ZNF695: variants seen among roughly 807,000 people sequenced by gnomAD.
ZNF695 encodes the protein zinc finger protein SBZF3.
ZNF695 carries 11 observed loss-of-function variants against 11.2 expected under a neutral mutation model. That is an observed-to-expected ratio of 0.98 (90% confidence interval 0.62 to 1.62). The LOEUF (loss-of-function observed/expected upper bound fraction) is 1.62. Ranked by LOEUF, ZNF695 falls within the 40% of genes most tolerant of loss-of-function variation. The probability of loss-of-function intolerance (pLI) is 0.00; values close to 1 mark genes in which losing one functional copy is unlikely to be tolerated. For missense variants in ZNF695, 559 were observed against 590.5 expected (o/e 0.95, Z 0.55); for synonymous variants, 190 against 201.4 (o/e 0.94, Z 0.48).
chr1:247,002,159 T>C (rs1669406597), intron 1 of ZNF695, among the ~76,000 whole-genome samples: 1 of 151,702 alleles, frequency 6.6e-6, no homozygotes, highest in South Asian at 2.1e-4. Flanking sequence ...CACAGTTAAA[T>C]AAAAACAGAA....
chr1:247,002,046 T>C (rs1669402447), intron 1 of ZNF695, among the ~76,000 whole-genome samples: 1 of 152,098 alleles, frequency 6.6e-6, no homozygotes, highest in African/African-American at 2.4e-5. Context: ...TCTTCTCACC[T>C]GCACATGGCA....
At chr1:246,961,643 T>C (rs1400270169) in intron 5 of ZNF695, among the ~76,000 whole-genome samples, 1 of 152,224 alleles carries the variant, frequency 6.6e-6, no homozygotes, top group Non-Finnish European at 1.5e-5. Context: ...CCTCTGCTTA[T>C]AGTATTTTGC....
intron 1 of ZNF695, 107 bp downstream of exon 1, chr1:247,007,799 A>G: frequency 1.5e-6 from 2 of 1,355,458 alleles, no homozygotes; most frequent in Middle Eastern, 2.0e-4. Flanking sequence ...CACACTCCGG[A>G]GCCGACCGCC....
At chr1:247,006,156 C>T (rs1385637785) in intron 1 of ZNF695, among the ~76,000 whole-genome samples, 2 of 148,330 alleles carry the variant, frequency 1.3e-5, no homozygotes, top group Non-Finnish European at 1.5e-5. Flanking sequence ...ACCCGGGAGG[C>T]AGAGGTTGCT....
At chr1:246,956,434 G>A (rs1668003743) in intron 5 of ZNF695, among the ~76,000 whole-genome samples, 1 of 151,258 alleles carries the variant, frequency 6.6e-6, no homozygotes, top group Non-Finnish European at 1.5e-5. Flanking sequence ...TGGCCAACAT[G>A]GTGAAACCCC....
intron 4 of ZNF695, among the ~76,000 whole-genome samples, chr1:246,973,511 C>T (rs576380358): frequency 6.6e-6 from 1 of 152,190 alleles, no homozygotes; most frequent in African/African-American, 2.4e-5. Context: ...GAATGTGTAC[C>T]GTGAGTTGCT....
intron 3 of ZNF695, among the ~76,000 whole-genome samples, chr1:246,989,212 C>A (rs977760627): frequency 6.6e-6 from 1 of 152,016 alleles, no homozygotes; most frequent in Non-Finnish European, 1.5e-5. Context: ...TTGTGGTGAG[C>A]CAAGATTGTG....
chr1:246,984,003 T>C (rs1047335417), downstream of ZNF695, among the ~76,000 whole-genome samples: 2 of 150,866 alleles, frequency 1.3e-5, no homozygotes, highest in African/African-American at 4.9e-5. Flanking sequence ...AAAAAAAGAA[T>C]TAGCTAGGAG....
chr1:247,004,739 G>A (rs1300009629), intron 1 of ZNF695, among the ~76,000 whole-genome samples: 1 of 152,160 alleles, frequency 6.6e-6, no homozygotes, highest in African/African-American at 2.4e-5. Flanking sequence ...TAAAGTGGTA[G>A]GATACAATAC....
intron 4 of ZNF695, among the ~76,000 whole-genome samples, chr1:246,978,571 T>C (rs921448665): frequency 6.6e-6 from 1 of 152,216 alleles, no homozygotes; most frequent in Non-Finnish European, 1.5e-5. Context: ...CAATAAAGGC[T>C]GTGGAGTCGG....
intron 4 of ZNF695, among the ~76,000 whole-genome samples, chr1:246,976,447 G>A (rs981057211): frequency 2.6e-5 from 4 of 152,058 alleles, no homozygotes; most frequent in African/African-American, 9.7e-5. Context: ...TATTTCAGTG[G>A]GAATGTTGTA....
intron 5 of ZNF695, among the ~76,000 whole-genome samples, chr1:246,965,773 A>G (rs1668274973): frequency 6.6e-6 from 1 of 151,946 alleles, no homozygotes; most frequent in Non-Finnish European, 1.5e-5. Context: ...AAAAAGAAAA[A>G]AAATTCTGCA....
Position 246,986,987 on chromosome 1 carries a change from G to A in ZNF695, c.1528C>T (p.His510Tyr). 1.3e-6 allele frequency: 2 copies of A among 1,586,818 alleles called. No homozygotes were observed. The highest frequency in any genetic ancestry group is 1.7e-6 in the Non-Finnish European group (2 of 1,169,468). The change falls in exon 4 of 4, where the codon CAT becomes TAT. Residue 510 changes from histidine to tyrosine, a missense_variant. Physicochemically the swap from His to Tyr is moderately conservative, Grantham distance 83. Coordinates refer to ENST00000339986, the MANE Select transcript of ZNF695 (RefSeq NM_020394.5). Reference sequence around the variant, plus strand: ...TTTTCTCAGGTATGAGTTTTCTCATGTACAGCAAGTTGTGCAGAGTGGTTA... The same window carrying A: ...TTTTCTCAGGTATGAGTTTTCTCATATACAGCAAGTTGTGCAGAGTGGTTA... ...AFNHSAQLAV[H>Y]EKTHT
intron 3 of ZNF695, among the ~76,000 whole-genome samples, chr1:246,993,771 T>C (rs1204385493): frequency 6.6e-6 from 1 of 151,844 alleles, no homozygotes; most frequent in Non-Finnish European, 1.5e-5. Context: ...ATCAGGAAAA[T>C]GGAAGATCAA....
Position 246,986,227 on chromosome 1 carries a change from C to T in ZNF695, c.*740G>A. On this transcript the variant is annotated 3_prime_UTR_variant, in exon 4 of 4. Coordinates refer to ENST00000339986, the MANE Select transcript of ZNF695 (RefSeq NM_020394.5). Reference sequence around the variant, plus strand: ...GGGACAACAGGCATGTGCCACCAAGCCTGGCTTTTATTTTACTTTTTGTAG... The same window carrying T: ...GGGACAACAGGCATGTGCCACCAAGTCTGGCTTTTATTTTACTTTTTGTAG... 1.9e-6 allele frequency: 1 copy of T among 519,674 alleles called. No homozygotes were observed. The highest frequency in any genetic ancestry group is 2.5e-6 in the Non-Finnish European group (1 of 404,602). The allele number at this position is 519,674 out of a possible 1,614,324, so 32.2% of individuals were successfully genotyped here.
At chr1:246,979,625 G>A (rs1436696156) in intron 4 of ZNF695, among the ~76,000 whole-genome samples, 2 of 152,072 alleles carry the variant, frequency 1.3e-5, no homozygotes, top group African/African-American at 2.4e-5. Flanking sequence ...TTATCTAAAT[G>A]AATTTCGCAT....
At chr1:246,946,105 A>AAT (rs1558299353) in intron 5 of ZNF695, among the ~76,000 whole-genome samples, 8 of 152,116 alleles carry the variant, frequency 5.3e-5, no homozygotes, top group African/African-American at 1.9e-4. Flanking sequence ...GTCTTTCCCC[A>AAT]GAAGGATGTG....
chr1:247,004,584 T>C (rs530483741), intron 1 of ZNF695, among the ~76,000 whole-genome samples: 63 of 152,242 alleles, frequency 4.1e-4, no homozygotes, highest in African/African-American at 1.4e-3. Context: ...AAGTCCTAAC[T>C]AGAACAGACA....
intron 3 of ZNF695, 27 bp downstream of exon 3, chr1:246,999,321 G>C (rs1669296957): frequency 1.3e-6 from 2 of 1,560,438 alleles, no homozygotes; most frequent in Non-Finnish European, 1.8e-6. Flanking sequence ...ACCCCTACCT[G>C]TGTTCGCTTC....
Sources: allele counts gnomAD v4.1 joint callset (sites outside exome capture counted in the v4.1 genomes callset), GRCh38; gene constraint gnomAD v4.1.1; transcripts MANE v1.5; gene names NCBI Gene and HGNC (gene_info 2026-07-23, HGNC 2026-07-21).